Variants in RANBP17 observed in about 807,000 individuals in gnomAD.
RANBP17 encodes the protein ran-binding protein 17.
Under a neutral mutation model 141.2 loss-of-function variants are expected in RANBP17, and 158 were observed. The observed-to-expected ratio is 1.12, with a 90% CI of 0.98 to 1.28. The LOEUF (loss-of-function observed/expected upper bound fraction) is 1.28, where lower values mean the gene tolerates loss of function less well. RANBP17 is among the 50% of genes most tolerant of loss of function. The pLI is 0.00. For missense variants in RANBP17, 1,438 were observed against 1,290.7 expected (o/e 1.11, Z -1.75); for synonymous variants, 430 against 450.0 (o/e 0.96, Z 0.56).
intron 14 of RANBP17, among the ~76,000 whole-genome samples, chr5:170,996,805 G>A (rs1778845668): frequency 6.6e-6 from 1 of 152,044 alleles, no homozygotes. Context: ...TACTCATTTT[G>A]CATTAGTTTC....
intron 5 of RANBP17, among the ~76,000 whole-genome samples, chr5:170,905,363 C>T (rs1032402194): frequency 6.6e-6 from 1 of 152,072 alleles, no homozygotes; most frequent in African/African-American, 2.4e-5. Context: ...TCCATGCACA[C>T]ATATAGATGT....
At chr5:170,997,945 T>G (rs1412576884) in intron 14 of RANBP17, among the ~76,000 whole-genome samples, 1 of 151,924 alleles carries the variant, frequency 6.6e-6, no homozygotes, top group Non-Finnish European at 1.5e-5. Flanking sequence ...AGAAACATAT[T>G]AATTTTAAAA....
intron 14 of RANBP17, among the ~76,000 whole-genome samples, chr5:171,015,634 A>G (rs1389143222): frequency 6.6e-6 from 1 of 152,080 alleles, no homozygotes; most frequent in Non-Finnish European, 1.5e-5. Flanking sequence ...TAATTTTTAT[A>G]TTGGATTGCA....
At chr5:171,197,734 G>C (rs1449140463) in intron 18 of RANBP17, among the ~76,000 whole-genome samples, 1 of 152,128 alleles carries the variant, frequency 6.6e-6, no homozygotes, top group Non-Finnish European at 1.5e-5. Flanking sequence ...AAGGCAGACC[G>C]GTACAATAGT....
intron 14 of RANBP17, among the ~76,000 whole-genome samples, chr5:171,067,444 A>T (rs1042964868): frequency 1.3e-5 from 2 of 152,164 alleles, no homozygotes; most frequent in Admixed American, 6.5e-5. Flanking sequence ...GCATTTATTT[A>T]TCTGTGTACT....
intron 22 of RANBP17, among the ~76,000 whole-genome samples, chr5:171,229,573 T>C (rs1405131775): frequency 6.6e-6 from 1 of 151,424 alleles, no homozygotes; most frequent in Non-Finnish European, 1.5e-5. Context: ...TTTTGTATTT[T>C]TAGTAGAGAT....
At chr5:170,898,701 G>A (rs1325204180) in intron 5 of RANBP17, among the ~76,000 whole-genome samples, 2 of 152,104 alleles carry the variant, frequency 1.3e-5, no homozygotes, top group Non-Finnish European at 2.9e-5. Flanking sequence ...TTTGTATAAG[G>A]TGTCAGGTAG....
intron 18 of RANBP17, among the ~76,000 whole-genome samples, chr5:171,197,509 A>G (rs1479089629): frequency 2.0e-5 from 3 of 152,202 alleles, no homozygotes; most frequent in Non-Finnish European, 4.4e-5. Context: ...ATTCTCCTTC[A>G]CTGAGAAACT....
intron 14 of RANBP17, among the ~76,000 whole-genome samples, chr5:171,137,572 ATGTGTG>A (rs140713117): frequency 9.5e-4 from 134 of 141,108 alleles, no homozygotes; most frequent in Admixed American, 6.4e-3. Flanking sequence ...TTGACTTGAG[ATGTGTG>A]TGTGTGTGTG....
rs759329780 is a variant in RANBP17 at position 171,242,737 on chromosome 5, A to G, written c.2693A>G (p.Asp898Gly). The G allele has an allele frequency of 1.2e-6, 2 of 1,613,836 alleles. No individual in the cohort carries two copies. Among genetic ancestry groups the G allele is most frequent in the South Asian group, 2.2e-5 (2 of 91,056 alleles). ...YYPLLECLTQ[D>G]HMSFIINLEP... is the part of the protein sequence containing the mutation. The stretch of plus-strand genomic sequence containing the variant: ...CCACTCCTGGAATGTCTCACTCAGG[A>G]CCATATGAGCTTCATCATCAACTTA... The change falls in exon 24 of 28, where the codon GAC becomes GGC. Residue 898 changes from aspartate (D) to glycine (G), a missense_variant. Transcript: ENST00000523189.
intron 14 of RANBP17, among the ~76,000 whole-genome samples, chr5:171,031,881 A>G (rs1781570863): frequency 6.6e-6 from 1 of 152,060 alleles, no homozygotes. Context: ...GATGGCTACT[A>G]ATGTCTCAAG....
chr5:171,279,719 T>C (rs1218517100), intron 25 of RANBP17, among the ~76,000 whole-genome samples: 1 of 152,162 alleles, frequency 6.6e-6, no homozygotes, highest in Non-Finnish European at 1.5e-5. Flanking sequence ...ATTTTTTTTT[T>C]CTAACTGAGG....
At chr5:171,068,229 T>G (rs904296621) in intron 14 of RANBP17, among the ~76,000 whole-genome samples, 12 of 152,212 alleles carry the variant, frequency 7.9e-5, no homozygotes, top group Admixed American at 7.8e-4. Context: ...ATTGTGCTTT[T>G]CAACTCCAGA....
Position 171,008,968 on chromosome 5 carries a change from T to C in RANBP17, c.1710+40591T>C, listed in dbSNP as rs559052355. Among the ~76,000 whole-genome samples, 14 of 152,340 alleles carry C rather than the reference T, an allele frequency of 9.2e-5. No individual in the cohort carries two copies. The East Asian group carries it at 2.7e-3, about 29-fold the overall frequency. On this transcript the variant is annotated intron_variant, in intron 14 of 27. Coordinates refer to ENST00000523189, the MANE Select transcript of RANBP17 (RefSeq NM_022897.5). ...AATTTTCTATAGTGCTCCTTTTCAA[T>C]TTGTATAATTTACAGGTTATTAAAT...
At chr5:171,070,407 A>G (rs779658) in intron 14 of RANBP17, among the ~76,000 whole-genome samples, 91,155 of 151,976 alleles carry the variant, frequency 0.6, 29,091 homozygotes, top group South Asian at 0.88. Context: ...GTTTCTGTAT[A>G]TAATCTGAAT....
chr5:171,170,089 G>A (rs1220202724), intron 14 of RANBP17, 41 bp from the exon 15 acceptor site: 1 of 1,080,904 alleles, frequency 9.3e-7, no homozygotes, highest in African/African-American at 1.6e-5. Flanking sequence ...GAAAATATAT[G>A]TTAATAGTAA....
intron 8 of RANBP17, among the ~76,000 whole-genome samples, chr5:170,914,962 A>T (rs1021199863): frequency 6.6e-6 from 1 of 152,144 alleles, no homozygotes; most frequent in Non-Finnish European, 1.5e-5. Flanking sequence ...TTGTTTAGGT[A>T]TCTTATTGCC....
chr5:171,187,700 G>A (rs1761359751), intron 18 of RANBP17, among the ~76,000 whole-genome samples: 1 of 152,186 alleles, frequency 6.6e-6, no homozygotes, highest in South Asian at 2.1e-4. Flanking sequence ...TTACTAAAAA[G>A]CTAAAGTTAG....
chr5:170,966,097 C>T (rs374486385), intron 13 of RANBP17, among the ~76,000 whole-genome samples: 19 of 151,920 alleles, frequency 1.3e-4, no homozygotes, highest in South Asian at 4.2e-4. Context: ...GATTCACAGC[C>T]GAATTCTACC....
Sources: gnomAD v4.1 joint callset for allele counts (sites outside exome capture counted in the v4.1 genomes callset) on GRCh38, gnomAD v4.1.1 for gene constraint, MANE v1.5 for transcripts, NCBI Gene and HGNC (gene_info 2026-07-23, HGNC 2026-07-21) for gene names.